Variants in SNX29 observed in about 807,000 individuals in gnomAD.
SNX29 encodes sorting nexin 29, also known as sorting nexin-29.
In SNX29, 78 loss-of-function variants were observed where a neutral mutation model predicts 102.1. That is an observed-to-expected ratio of 0.76 (90% CI 0.64 to 0.92). SNX29 has a LOEUF of 0.92. Ranked by LOEUF, SNX29 falls within the 40% of genes least tolerant of loss-of-function variation. SNX29 has a pLI of 0.00. For synonymous variants in SNX29, 580 were observed against 414.5 expected (o/e 1.40, Z -4.85); for missense variants, 1,280 against 1,061.7 (o/e 1.21, Z -2.86).
chr16:12,087,342 A>T (rs1275298097), intron 11 of SNX29: 1 of 157,808 alleles, frequency 6.3e-6, no homozygotes. Context: ...GCTTGAACCC[A>T]GGAGGCGGAG....
At chr16:12,459,178 A>G (rs949073900) in intron 18 of SNX29, among the ~76,000 whole-genome samples, 2 of 117,820 alleles carry the variant, frequency 1.7e-5, no homozygotes, top group Non-Finnish European at 3.5e-5. Context: ...CTATCCTCCT[A>G]CCCGCCTTTT....
intron 3 of SNX29, among the ~76,000 whole-genome samples, chr16:12,025,512 G>C (rs1239984367): frequency 6.6e-6 from 1 of 152,126 alleles, no homozygotes; most frequent in Non-Finnish European, 1.5e-5. Context: ...TGCTGAGCTA[G>C]GTGCCAGGAA....
chr16:12,214,119 G>T (rs1391319883), intron 14 of SNX29, among the ~76,000 whole-genome samples: 1 of 137,902 alleles, frequency 7.3e-6, no homozygotes, highest in Non-Finnish European at 1.6e-5. Context: ...TTATTTGTTC[G>T]ACCTGATTTC....
At chr16:12,469,495 T>TCCA (rs1314766927) in intron 18 of SNX29, among the ~76,000 whole-genome samples, 10 of 152,218 alleles carry the variant, frequency 6.6e-5, no homozygotes, top group Non-Finnish European at 1.5e-4. Context: ...ATCGTTGTTA[T>TCCA]CCTCATGTCA....
chr16:12,201,319 C>T (rs2076909746), intron 14 of SNX29, among the ~76,000 whole-genome samples: 1 of 152,188 alleles, frequency 6.6e-6, no homozygotes, highest in African/African-American at 2.4e-5. Context: ...TCTCCAGCAA[C>T]TGGCTTTTTA....
chr16:12,315,945 A>T (rs1224329711), intron 15 of SNX29, among the ~76,000 whole-genome samples: 1 of 152,220 alleles, frequency 6.6e-6, no homozygotes, highest in African/African-American at 2.4e-5. Flanking sequence ...CTCTGCTCCC[A>T]TGGAAGATCC....
intron 18 of SNX29, among the ~76,000 whole-genome samples, chr16:12,466,519 G>A (rs1257874092): frequency 6.6e-6 from 1 of 152,172 alleles, no homozygotes; most frequent in Non-Finnish European, 1.5e-5. Context: ...TGAACCTGCC[G>A]TCAGATGTGG....
chr16:12,506,516 C>G (rs1241149291), intron 19 of SNX29, among the ~76,000 whole-genome samples: 2 of 152,116 alleles, frequency 1.3e-5, no homozygotes, highest in Non-Finnish European at 2.9e-5. Context: ...TTGTGAGCAC[C>G]AAAGCTTCAT....
chr16:12,244,179 C>G (rs956701013), intron 14 of SNX29, among the ~76,000 whole-genome samples: 1 of 152,200 alleles, frequency 6.6e-6, no homozygotes, highest in Non-Finnish European at 1.5e-5. Context: ...CACTCAACTC[C>G]TGCTGTGTGG....
rs770491396 is a variant in SNX29, at chr16:12,570,611, T to G, written c.*1982T>G. On this transcript the variant is annotated 3_prime_UTR_variant, in exon 21 of 21. Transcript: ENST00000566228. The stretch of plus-strand genomic sequence containing the variant: ...GTAGCTACCCTGGAGGTCATCTCCC[T>G]GTTCTCTGTTGGATAAAGGAACCTC... The G allele has an allele frequency of 4.3e-6, 1 of 232,012 alleles. No homozygotes were observed. The highest frequency in any genetic ancestry group is 5.6e-5 in the Admixed American group (1 of 17,750). 14.4% of individuals were successfully genotyped at this position (232,012 alleles called of 1,614,324 possible).
rs1446207550 is a variant in SNX29, at chr16:12,541,957, G to A, written c.2318+17116G>A. ...CCTGGGCCCACACAAGAGGACGCTG[G>A]ATCCACTTCAGAGACTTGGCTTGTC... On this transcript the variant is annotated intron_variant, in intron 20 of 20. Coordinates refer to ENST00000566228, the MANE Select transcript of SNX29 (RefSeq NM_032167.5). Among the ~76,000 whole-genome samples, 48 of 152,172 alleles carry A rather than the reference G, an allele frequency of 3.2e-4. 1 individual carries two copies. The highest frequency in any genetic ancestry group is 3.1e-3 in the Admixed American group (47 of 15,274).
chr16:12,495,650 G>A (rs992791325), intron 19 of SNX29, among the ~76,000 whole-genome samples: 3 of 152,232 alleles, frequency 2.0e-5, no homozygotes, highest in Non-Finnish European at 2.9e-5. Context: ...TTTAAACAGG[G>A]TAGTGACAAA....
chr16:12,237,944 G>A (rs1229316989), intron 14 of SNX29, among the ~76,000 whole-genome samples: 1 of 152,164 alleles, frequency 6.6e-6, no homozygotes, highest in African/African-American at 2.4e-5. Context: ...GGGGCCTGAG[G>A]TGGGGTCAGA....
chr16:12,222,453 T>C (rs1019362166), intron 14 of SNX29, among the ~76,000 whole-genome samples: 2 of 152,350 alleles, frequency 1.3e-5, no homozygotes, highest in Non-Finnish European at 2.9e-5. Context: ...CCAGCTTGTA[T>C]GTTTACATCG....
intron 15 of SNX29, among the ~76,000 whole-genome samples, chr16:12,307,898 G>A (rs1396542445): frequency 6.6e-6 from 1 of 152,248 alleles, no homozygotes; most frequent in Non-Finnish European, 1.5e-5. Context: ...GGCCCACCAA[G>A]AGATGGGAGA....
chr16:12,344,097 T>A (rs1411729442), intron 15 of SNX29, among the ~76,000 whole-genome samples: 1 of 152,168 alleles, frequency 6.6e-6, no homozygotes, highest in Non-Finnish European at 1.5e-5. Context: ...CACTCTCTTG[T>A]CTGCCGCCAT....
chr16:12,231,878 CT>C (rs34325677), intron 14 of SNX29, among the ~76,000 whole-genome samples: 1 of 152,306 alleles, frequency 6.6e-6, no homozygotes, highest in African/African-American at 2.4e-5. Context: ...GGAATACTTA[CT>C]TTTTTCTGTG....
intron 11 of SNX29, among the ~76,000 whole-genome samples, chr16:12,125,225 A>G (rs2054153792): frequency 6.6e-6 from 1 of 152,186 alleles, no homozygotes; most frequent in Non-Finnish European, 1.5e-5. Flanking sequence ...GCCCGTTGAA[A>G]GAACATTTTG....
intron 13 of SNX29, among the ~76,000 whole-genome samples, chr16:12,167,166 C>T (rs944586090): frequency 6.6e-6 from 1 of 152,204 alleles, no homozygotes; most frequent in Non-Finnish European, 1.5e-5. Flanking sequence ...CTGGTGAGGT[C>T]GTTCTTCCCA....
Sources: gnomAD v4.1 joint callset for allele counts (sites outside exome capture counted in the v4.1 genomes callset) on GRCh38, gnomAD v4.1.1 for gene constraint, MANE v1.5 for transcripts, NCBI Gene and HGNC (gene_info 2026-07-23, HGNC 2026-07-21) for gene names.